Variants in THOC7 observed in about 807,000 individuals in gnomAD.
THOC7 encodes the protein NIF3L1-binding protein 1.
Under a neutral mutation model 33.1 loss-of-function variants are expected in THOC7, and 22 were observed. The observed-to-expected ratio is 0.66, with a 90% confidence interval of 0.47 to 0.95. THOC7 has a LOEUF of 0.95. Ranked by LOEUF, THOC7 falls within the 40% of genes least tolerant of loss-of-function variation. The probability of loss-of-function intolerance (pLI) is 0.00; values close to 1 mark genes in which losing one functional copy is unlikely to be tolerated. For synonymous variants in THOC7, 77 were observed against 76.8 expected (o/e 1.00, Z -0.01); for missense variants, 184 against 245.3 (o/e 0.75, Z 1.67).
chr3:63,845,305 T>C (rs372455570), intron 1 of THOC7, among the ~76,000 whole-genome samples: 1 of 152,206 alleles, frequency 6.6e-6, no homozygotes, highest in South Asian at 2.1e-4. Context: ...GACTTCTGGG[T>C]TCATAGTGGC....
chr3:63,855,686 C>A (rs1453658923), intron 1 of THOC7, among the ~76,000 whole-genome samples: 1 of 152,198 alleles, frequency 6.6e-6, no homozygotes, highest in African/African-American at 2.4e-5. Flanking sequence ...GGCTTGACAA[C>A]CAGAGGCAAT....
intron 1 of THOC7, among the ~76,000 whole-genome samples, chr3:63,854,930 C>G (rs1174824396): frequency 6.6e-6 from 1 of 150,984 alleles, no homozygotes; most frequent in East Asian, 1.9e-4. Context: ...ATGGCGTGAA[C>G]CCGGGAGGCG....
At chr3:63,856,868 C>A (rs567724428) in intron 1 of THOC7, among the ~76,000 whole-genome samples, 1 of 152,298 alleles carries the variant, frequency 6.6e-6, no homozygotes, top group Admixed American at 6.5e-5. Context: ...CAGGCGCCCG[C>A]TACCACGCCC....
chr3:63,848,316 T>C (rs988231333), intron 1 of THOC7: 1 of 151,958 alleles, frequency 6.6e-6, no homozygotes. Flanking sequence ...AACCTTGGCC[T>C]CCACAACCCC....
chr3:63,855,999 GA>G (rs1316074732), intron 1 of THOC7, among the ~76,000 whole-genome samples: 1 of 152,206 alleles, frequency 6.6e-6, no homozygotes, highest in Admixed American at 6.5e-5. Flanking sequence ...TTATCTTTTA[GA>G]AATTATTCCC....
chr3:63,841,340 T>A (rs1701756102), intron 1 of THOC7, among the ~76,000 whole-genome samples: 2 of 152,224 alleles, frequency 1.3e-5, no homozygotes, highest in South Asian at 4.1e-4. Context: ...AAAAGATAAT[T>A]TTCCTGCATG....
Position 63,833,948 on chromosome 3 carries a change from A to G in THOC7, c.*184T>C, listed in dbSNP as rs868511727. On this transcript the variant is annotated 3_prime_UTR_variant, in exon 8 of 8. Coordinates refer to ENST00000295899, the MANE Select transcript of THOC7 (RefSeq NM_025075.4). Reference sequence around the variant, plus strand: ...AAGAATAAAAAATGCATTTTAATAAAAACAAATCTATACTGAAGTCATTTT... The same window carrying G: ...AAGAATAAAAAATGCATTTTAATAAGAACAAATCTATACTGAAGTCATTTT... The G allele has an allele frequency of 3.7e-6, 2 of 540,264 alleles. No homozygotes were observed. The highest frequency in any genetic ancestry group is 3.2e-4 in the Middle Eastern group (1 of 3,100). The allele number at this position is 540,264 out of a possible 1,614,324, so 33.5% of individuals were successfully genotyped here. A position where few individuals can be genotyped will look rare whatever the true frequency, so the allele number is the denominator to read the frequency against.
At chr3:63,846,207 GC>G in intron 1 of THOC7, 1 of 451,174 alleles carries the variant, frequency 2.2e-6, no homozygotes, top group South Asian at 1.6e-5. Flanking sequence ...TGTCTGAATT[GC>G]CTTTCTTCCC....
chr3:63,863,944 C>T, upstream of THOC7: 1 of 139,968 alleles, frequency 7.1e-6, no homozygotes, highest in Non-Finnish European at 1.3e-5. Flanking sequence ...CTGAGCCGCG[C>T]CGCGCCGCGC....
chr3:63,854,975 T>G (rs1397555754), intron 1 of THOC7, among the ~76,000 whole-genome samples: 1 of 148,444 alleles, frequency 6.7e-6, no homozygotes, highest in Non-Finnish European at 1.5e-5. Flanking sequence ...GCCACTGCAC[T>G]CCAGCCTGGG....
chr3:63,838,463 A>C lies in THOC7; in HGVS notation c.174T>G (p.Ser58=), dbSNP rs747413469. 1 of 1,610,454 alleles carries C rather than the reference A, an allele frequency of 6.2e-7. No homozygotes were observed. The highest frequency in any genetic ancestry group is 1.3e-5 in the African/African-American group (1 of 74,814). ...TTTTGCCCATTGAAAATTCACATTG[A>C]GACAGCGTGCTCAGCATACGTTGGT... is the stretch of plus-strand genomic sequence containing the variant. ...SQYQRMLSTL[S]QCEFSMGKTL... The change falls in exon 3 of 8, where the codon TCT becomes TCG. Residue 58 remains serine, a synonymous_variant. Transcript: ENST00000295899.
At chr3:63,862,964 A>C (rs1284969668) in intron 1 of THOC7, among the ~76,000 whole-genome samples, 1 of 151,830 alleles carries the variant, frequency 6.6e-6, no homozygotes, top group African/African-American at 2.4e-5. Flanking sequence ...CCAGCTGACA[A>C]CCACCCTTCC....
intron 1 of THOC7, among the ~76,000 whole-genome samples, chr3:63,858,935 C>A (rs1343138453): frequency 6.6e-6 from 1 of 152,210 alleles, no homozygotes; most frequent in Non-Finnish European, 1.5e-5. Flanking sequence ...AGGGCTGCTT[C>A]TTCAAGAGCT....
intron 1 of THOC7, chr3:63,861,672 AT>A (rs1473195304): frequency 6.6e-6 from 1 of 152,208 alleles, no homozygotes; most frequent in Admixed American, 6.5e-5. Context: ...GGGGATAACA[AT>A]TAGAATAATA....
chr3:63,845,904 A>G (rs1398452019), intron 1 of THOC7, among the ~76,000 whole-genome samples: 1 of 152,248 alleles, frequency 6.6e-6, no homozygotes, highest in African/African-American at 2.4e-5. Flanking sequence ...TTATGATGCC[A>G]TTACATGGAA....
At chr3:63,859,416 C>A (rs1403411792) in intron 1 of THOC7, among the ~76,000 whole-genome samples, 1 of 152,212 alleles carries the variant, frequency 6.6e-6, no homozygotes, top group African/African-American at 2.4e-5. Context: ...GCAGTCCTGT[C>A]CCTAGATCCA....
At chr3:63,850,123 T>C (rs1049354286) in intron 1 of THOC7, among the ~76,000 whole-genome samples, 1 of 152,218 alleles carries the variant, frequency 6.6e-6, no homozygotes, top group Admixed American at 6.5e-5. Context: ...TTATGCCTAC[T>C]TCTTTCCCTT....
intron 1 of THOC7, chr3:63,860,985 T>A (rs1702199721): frequency 2.6e-5 from 4 of 152,074 alleles, no homozygotes; most frequent in Admixed American, 2.6e-4. Context: ...CCTGTGCAGA[T>A]TAAGAGAGAA....
intron 1 of THOC7, among the ~76,000 whole-genome samples, chr3:63,853,677 G>A (rs1178283073): frequency 6.6e-6 from 1 of 152,240 alleles, no homozygotes; most frequent in Non-Finnish European, 1.5e-5. Context: ...GGGAGGCCAA[G>A]GCGGGAGGAT....
Sources: gnomAD v4.1 joint callset for allele counts (sites outside exome capture counted in the v4.1 genomes callset) on GRCh38, gnomAD v4.1.1 for gene constraint, MANE v1.5 for transcripts, NCBI Gene and HGNC (gene_info 2026-07-23, HGNC 2026-07-21) for gene names.